SPDYE1: variants seen among roughly 807,000 people sequenced by gnomAD.
SPDYE1 encodes speedy/RINGO cell cycle regulator family member E1, also known as speedy protein E1.
A neutral mutation model predicts 45.9 loss-of-function variants in SPDYE1; 29 were observed. That is an observed-to-expected ratio of 0.63 (90% CI 0.47 to 0.86). The LOEUF is 0.86. SPDYE1 is among the 40% of genes least tolerant of loss of function. The pLI is 0.00. For synonymous variants in SPDYE1, 134 were observed against 176.8 expected, an observed-to-expected ratio of 0.76 and a Z score of 1.92; for missense variants, 346 against 481.4, an observed-to-expected ratio of 0.72 and a Z score of 2.63.
chr7:43,999,118 G>A (rs942398999), intron 1 of SPDYE1, among the ~76,000 whole-genome samples: 48 of 152,234 alleles, frequency 3.2e-4, no homozygotes, highest in African/African-American at 1.1e-3. Flanking sequence ...AGCCGAACTG[G>A]AGGGGCTGGC....
chr7:44,007,084 T>A (rs2096072250), intron 6 of SPDYE1, 184 bp from the exon 7 acceptor site: 1 of 1,416,304 alleles, frequency 7.1e-7, no homozygotes, highest in Admixed American at 2.6e-5. Flanking sequence ...CCTGAAGGAG[T>A]GGGAGACGCT....
At chr7:44,002,316 CAACAAAAAAAAA>C (rs1222527904) in intron 3 of SPDYE1, among the ~76,000 whole-genome samples, 1 of 47,788 alleles carries the variant, frequency 2.1e-5, no homozygotes, top group Admixed American at 2.7e-4. Context: ...TCAACAACAA[CAACAAAAAAAAA>C]AAAAAAAAAA....
Position 44,001,237 on chromosome 7 carries a change from T to A in SPDYE1, c.332T>A (p.Val111Glu), listed in dbSNP as rs560051278. ...AAGATGAAGCTGAAGCAACAGCGAG[T>A]GTCACCCATCCTCCTTGAGCACCAC... ...GLKMKLKQQR[V>E]SPILLEHHKD... The change falls in exon 3 of 9, where the codon GTG (valine) becomes GAG (glutamate). Residue 111 changes from valine (V) to glutamate (E), a missense_variant. Coordinates refer to ENST00000693451, the MANE Select transcript of SPDYE1 (RefSeq NM_001378423.2). 1 of 1,597,588 alleles carries A rather than the reference T, an allele frequency of 6.3e-7. No individual in the cohort carries two copies. The highest frequency in any genetic ancestry group is 8.5e-7 in the Non-Finnish European group (1 of 1,179,886).
At chr7:44,007,154 G>T (rs2096072397) in intron 6 of SPDYE1, 114 bp from the exon 7 acceptor site, 5 of 1,595,978 alleles carry the variant, frequency 3.1e-6, no homozygotes, top group Non-Finnish European at 4.3e-6. Context: ...TCTGCAGGGT[G>T]GGTGCCAGTC....
rs755154395 is a variant in SPDYE1, at chr7:44,007,754, G to A, written c.1117G>A (p.Ala373Thr). 125 of 1,611,242 alleles carry A rather than the reference G, an allele frequency of 7.8e-5. No individual in the cohort carries two copies. Among genetic ancestry groups the A allele is most frequent in the South Asian group, 2.6e-4 (24 of 91,000 alleles). The change falls in exon 8 of 9, where the codon GCT becomes ACT. Residue 373 changes from alanine to threonine, a missense_variant. Around this residue, in one of 4 missense-constraint regions of SPDYE1, gnomAD observed 186 missense variants for 219.1 expected, o/e 0.85. Transcript: ENST00000693451. ...PEHWVWARDRARLS is the reference protein window; with the variant it reads ...PEHWVWARDRTRLS ...GCACTGGGTGTGGGCGCGAGATCGC[G>A]CTCGCCTTTCCTAGAGCTCCAGGGA...
In SPDYE1 at chr7:44,007,271, C is replaced by A; in HGVS notation, c.756C>A (p.Tyr252Ter). The A allele has an allele frequency of 3.1e-6, 5 of 1,612,570 alleles. No homozygotes were observed. Among genetic ancestry groups the A allele is most frequent in the Middle Eastern group, 4.2e-4 (2 of 4,776 alleles). The change falls in exon 7 of 9, where the codon TAC becomes TAA. Residue 252 changes from tyrosine to a stop codon, truncating the protein, a stop_gained. Transcript: ENST00000693451. LOFTEE classifies it high-confidence loss of function. ...GCAACCTGATTCCTGTCCTCAGCTACCTGGCCAATGACATGGAGGAGGACG... is the reference window on the plus strand; with the variant it reads ...GCAACCTGATTCCTGTCCTCAGCTAACTGGCCAATGACATGGAGGAGGACG... ...YQRLHFFLAL[Y>*]LANDMEEDDE...
Position 44,007,529 on chromosome 7 carries a change from C to A in SPDYE1, c.1014C>A (p.Phe338Leu), listed in dbSNP as rs1446994923. 2.5e-6 allele frequency: 4 copies of A among 1,613,764 alleles called. No homozygotes were observed. The highest frequency in any genetic ancestry group is 3.4e-6 in the Non-Finnish European group (4 of 1,180,036). ...SQIVLFQKRRFHFFCSMSCRA... is the reference protein window; with the variant it reads ...SQIVLFQKRRLHFFCSMSCRA... ...TAGTCCTGTTCCAGAAACGTCGGTT[C>A]CACTTCTTCTGTTCCATGAGCTGCA... Residue 338 changes from phenylalanine to leucine, a missense_variant, in exon 7 of 9, where the codon TTC (phenylalanine) becomes TTA (leucine). Coordinates refer to ENST00000693451, the MANE Select transcript of SPDYE1 (RefSeq NM_001378423.2).
At chr7:44,006,650 C>T (rs558416310) in intron 6 of SPDYE1, among the ~76,000 whole-genome samples, 188 of 151,728 alleles carry the variant, frequency 1.2e-3, no homozygotes, top group African/African-American at 4.3e-3. Flanking sequence ...AGTCTTGCTC[C>T]GCCTCTCAGG....
rs989923187 is a variant in SPDYE1, at chr7:44,009,897, T to A, written c.*1276T>A. 1 of 152,050 alleles carries A rather than the reference T, an allele frequency of 6.6e-6. No homozygotes were observed. Among genetic ancestry groups the A allele is most frequent in the African/African-American group, 2.4e-5 (1 of 41,432 alleles). 9.4% of individuals were successfully genotyped at this position (152,050 alleles called of 1,614,324 possible). On this transcript the variant is annotated 3_prime_UTR_variant, in exon 9 of 9. Transcript: ENST00000693451. ...AACATATATATTACATTTATAGCTA[T>A]GTAGTAGTTCCCCTAAATTCTTGTA...
rs572451642 is a variant in SPDYE1, at chr7:44,007,751, C to T, written c.1114C>T (p.Arg372Cys). The change falls in exon 8 of 9, where the codon CGC becomes TGC. Residue 372 changes from arginine to cysteine, a missense_variant. Physicochemically the swap from Arg to Cys is radical, Grantham distance 180. Around this residue, in one of 4 missense-constraint regions of SPDYE1, gnomAD observed 186 missense variants for 219.1 expected, o/e 0.85. Coordinates refer to ENST00000693451, the MANE Select transcript of SPDYE1 (RefSeq NM_001378423.2). ...AGAGCACTGGGTGTGGGCGCGAGATCGCGCTCGCCTTTCCTAGAGCTCCAG... is the reference window on the plus strand; with the variant it reads ...AGAGCACTGGGTGTGGGCGCGAGATTGCGCTCGCCTTTCCTAGAGCTCCAG... ...DPEHWVWARD[R>C]ARLS 96 of 1,611,384 alleles carry T rather than the reference C, an allele frequency of 6.0e-5. No homozygotes were observed. In the Admixed American group the frequency reaches 7.3e-4, roughly 12 times the overall value.
chr7:44,006,884 G>C (rs2096071969), intron 6 of SPDYE1, among the ~76,000 whole-genome samples: 1 of 152,224 alleles, frequency 6.6e-6, no homozygotes, highest in Non-Finnish European at 1.5e-5. Context: ...AAAGTGCTGG[G>C]ATTACAGGCA....
At chr7:44,008,169 G>A (rs2096074387) in intron 8 of SPDYE1, among the ~76,000 whole-genome samples, 2 of 152,218 alleles carry the variant, frequency 1.3e-5, no homozygotes, top group South Asian at 2.1e-4. Context: ...TGGGTCGAGG[G>A]TTCAGTGAAG....
At chr7:44,002,047 ACCTGTAATCC>A (rs1271492826) in intron 3 of SPDYE1, among the ~76,000 whole-genome samples, 2 of 150,894 alleles carry the variant, frequency 1.3e-5, no homozygotes, top group Non-Finnish European at 3.0e-5. Context: ...AGTGGCTCAC[ACCTGTAATCC>A]CAGCACTTTG....
chr7:44,001,212 A>C lies in SPDYE1; in HGVS notation c.307A>C (p.Lys103Gln), dbSNP rs1356192152. Residue 103 changes from lysine to glutamine, a missense_variant, in exon 3 of 9, where the codon AAG becomes CAG. Physicochemically the swap from Lys to Gln is moderately conservative, Grantham distance 53. Around this residue, in one of 4 missense-constraint regions of SPDYE1, gnomAD observed 141 missense variants for 176.7 expected, o/e 0.80. Coordinates refer to ENST00000693451, the MANE Select transcript of SPDYE1 (RefSeq NM_001378423.2). Reference protein sequence around the residue: ...TWVVETLCGLKMKLKQQRVSP... With the variant: ...TWVVETLCGLQMKLKQQRVSP... ...GGTAGTGGAGACGCTGTGTGGGCTC[A>C]AGATGAAGCTGAAGCAACAGCGAGT... 1 of 1,598,214 alleles carries C rather than the reference A, an allele frequency of 6.3e-7. No homozygotes were observed.
chr7:44,006,134 T>A (rs1403665521), intron 6 of SPDYE1, among the ~76,000 whole-genome samples: 1 of 152,204 alleles, frequency 6.6e-6, no homozygotes, highest in African/African-American at 2.4e-5. Context: ...ACAAGCACAC[T>A]GGCTCGCCAT....
chr7:44,009,410 G>T lies in SPDYE1; in HGVS notation c.*789G>T, dbSNP rs1409690782. 1.3e-5 allele frequency: 2 copies of T among 151,362 alleles called. No homozygotes were observed. The highest frequency in any genetic ancestry group is 2.9e-5 in the Non-Finnish European group (2 of 67,888). The allele number at this position is 151,362 out of a possible 1,614,324, so 9.4% of individuals were successfully genotyped here. On this transcript the variant is annotated 3_prime_UTR_variant, in exon 9 of 9. Coordinates refer to ENST00000693451, the MANE Select transcript of SPDYE1 (RefSeq NM_001378423.2). Reference sequence around the variant, plus strand: ...ATAATCTCTTCTATTTATAGCTATTGGTAGTTCCCCTAAATTCTGACGATA... The same window carrying T: ...ATAATCTCTTCTATTTATAGCTATTTGTAGTTCCCCTAAATTCTGACGATA...
At chr7:44,005,583 CA>C (rs1163230424) in intron 6 of SPDYE1, among the ~76,000 whole-genome samples, 2 of 149,956 alleles carry the variant, frequency 1.3e-5, no homozygotes, top group African/African-American at 4.9e-5. Context: ...GAGGCTGAGG[CA>C]AGAGAACTCT....
intron 6 of SPDYE1, 156 bp downstream of exon 6, chr7:44,005,383 A>C: frequency 8.3e-7 from 1 of 1,205,892 alleles, no homozygotes; most frequent in Non-Finnish European, 1.2e-6. Context: ...TGTTGTTTCT[A>C]AACAGAAACT....
At chr7:44,001,931 C>T (rs914379565) in intron 3 of SPDYE1, among the ~76,000 whole-genome samples, 3 of 146,712 alleles carry the variant, frequency 2.0e-5, no homozygotes, top group East Asian at 2.0e-4. Flanking sequence ...GAGAGTGAGA[C>T]GCTGTCTCAA....
Sources: gnomAD v4.1 joint callset for allele counts (sites outside exome capture counted in the v4.1 genomes callset) on GRCh38, gnomAD v4.1.1 for gene constraint, gnomAD v4.1.1 regional missense constraint, MANE v1.5 for transcripts, NCBI Gene and HGNC (gene_info 2026-07-23, HGNC 2026-07-21) for gene names.